Variants in FAT4 observed in about 807,000 individuals in gnomAD.
FAT4 encodes FAT atypical cadherin 4, also known as protocadherin Fat 4.
In FAT4, 84 loss-of-function variants were observed where a neutral mutation model predicts 303.9. That is an observed-to-expected ratio of 0.28 (90% CI 0.23 to 0.33). FAT4 has a LOEUF of 0.33. FAT4 is among the 10% of genes least tolerant of loss of function. FAT4 has a pLI of 1.00. For missense variants in FAT4, 6,005 were observed against 6,146.8 expected (o/e 0.98, Z 0.77); for synonymous variants, 2,307 against 2,298.8 (o/e 1.00, Z -0.10).
At position 125,451,627 on chromosome 4, in the gene FAT4, C is replaced by T. The variant is rs772330285; in HGVS notation, c.10617C>T (p.Leu3539=). The T allele has an allele frequency of 6.2e-7, 1 of 1,614,112 alleles. No homozygotes were observed. The highest frequency in any genetic ancestry group is 1.7e-5 in the Admixed American group (1 of 60,018). ...CCCTTCAGTCCACTGACCCTGATCT[C>T]CCTCCAAATCAAGGTCCCTTTACTT... The part of the protein sequence containing the change: ...VMTLQSTDPD[L]PPNQGPFTYY... The change falls in exon 10 of 18, where the codon CTC becomes CTT. Residue 3539 remains leucine (L), a synonymous_variant. Transcript: ENST00000394329.
At chr4:125,367,012 A>C (rs1732912648) in intron 2 of FAT4, among the ~76,000 whole-genome samples, 1 of 152,060 alleles carries the variant, frequency 6.6e-6, no homozygotes, top group Admixed American at 6.6e-5. Flanking sequence ...CCTTTGTCAG[A>C]TGCATAGTTT....
At chr4:125,480,714 A>G (rs1424313881) in intron 15 of FAT4, among the ~76,000 whole-genome samples, 1 of 152,090 alleles carries the variant, frequency 6.6e-6, no homozygotes, top group Non-Finnish European at 1.5e-5. Context: ...AACATAGAAA[A>G]TATATACTGT....
intron 2 of FAT4, among the ~76,000 whole-genome samples, chr4:125,335,325 T>G (rs938660554): frequency 6.6e-6 from 1 of 152,052 alleles, no homozygotes; most frequent in Non-Finnish European, 1.5e-5. Flanking sequence ...AAAAAAAATG[T>G]TGGTGGTAGA....
chr4:125,382,127 T>A (rs1200701468), intron 2 of FAT4, among the ~76,000 whole-genome samples: 4 of 152,202 alleles, frequency 2.6e-5, no homozygotes, highest in Non-Finnish European at 4.4e-5. Flanking sequence ...TTGGAAACAA[T>A]TTCTTCCAAA....
rs1560641422 is a variant in FAT4, at chr4:125,491,675, A to G, written c.14859A>G (p.Ala4953=). 1 of 1,614,100 alleles carries G rather than the reference A, an allele frequency of 6.2e-7. No homozygotes were observed. Residue 4953 remains alanine, a synonymous_variant, in exon 18 of 18, where the codon GCA becomes GCG. Transcript: ENST00000394329. The part of the protein sequence containing the change: ...GHYVDVFKDL[A]SLPEKAAANE... ...ATGTAGATGTTTTTAAAGATTTGGC[A>G]TCTCTTCCAGAAAAAGCAGCAGCAA...
At position 125,449,060 on chromosome 4, in the gene FAT4, C is replaced by A. The variant is rs752953780; in HGVS notation, c.8050C>A (p.Leu2684Ile). The part of the protein sequence containing the change: ...DPFISEILEN[L>I]SPRKILTVSA... ...ATTTATATCTGAAATATTGGAAAAC[C>A]TTTCCCCTCGAAAAATACTTACTGT... is the stretch of plus-strand genomic sequence containing the variant. Residue 2684 changes from leucine to isoleucine, a missense_variant, in exon 10 of 18, where the codon CTT becomes ATT. Physicochemically the swap from Leu to Ile is conservative, Grantham distance 5. Coordinates refer to ENST00000394329, the MANE Select transcript of FAT4 (RefSeq NM_001291303.3). 2 of 1,613,700 alleles carry A rather than the reference C, an allele frequency of 1.2e-6. No homozygotes were observed. Among genetic ancestry groups the A allele is most frequent in the East Asian group, 2.2e-5 (1 of 44,882 alleles).
Position 125,449,258 on chromosome 4 carries a change from A to C in FAT4, c.8248A>C (p.Lys2750Gln). The C allele has an allele frequency of 6.2e-7, 1 of 1,613,950 alleles. No homozygotes were observed. The highest frequency in any genetic ancestry group is 2.2e-5 in the East Asian group (1 of 44,858). ...HYVLTIKSSD[K>Q]GSPSQSTSVK... is the part of the protein sequence containing the mutation. ...TGTCCTAACCATAAAATCATCAGAC[A>C]AAGGGTCCCCGTCTCAGAGTACTTC... The change falls in exon 10 of 18, where the codon AAA (lysine) becomes CAA (glutamine). Residue 2750 changes from lysine (K) to glutamine (Q), a missense_variant. Lys to Gln is a moderately conservative substitution (Grantham distance 53). Coordinates refer to ENST00000394329, the MANE Select transcript of FAT4 (RefSeq NM_001291303.3).
intron 2 of FAT4, 23 bp from the exon 3 acceptor site, chr4:125,398,761 C>T: frequency 6.2e-7 from 1 of 1,611,590 alleles, no homozygotes; most frequent in Non-Finnish European, 8.5e-7. Flanking sequence ...GTCATTCACA[C>T]ATTGTTTCCT....
chr4:125,350,686 A>C (rs921351009), intron 2 of FAT4, among the ~76,000 whole-genome samples: 1 of 151,710 alleles, frequency 6.6e-6, no homozygotes, highest in Non-Finnish European at 1.5e-5. Flanking sequence ...GATCCTTACA[A>C]GTTTGGAAAA....
chr4:125,487,209 A>G (rs1727438768), intron 16 of FAT4, 136 bp from the exon 17 acceptor site: 2 of 689,708 alleles, frequency 2.9e-6, no homozygotes, highest in South Asian at 2.4e-5. Flanking sequence ...GTGTGTAAGT[A>G]TATTCTAATA....
chr4:125,489,847 CTTTTTTTTTTTT>C lies in FAT4; in HGVS notation c.13085-44_13085-33del, dbSNP rs60144993. On this transcript the variant is annotated intron_variant, in intron 17 of 17. Coordinates refer to ENST00000394329, the MANE Select transcript of FAT4 (RefSeq NM_001291303.3). ...AGAACCCAGCAGTGTAGTATAAGCT[CTTTTTTTTTTTT>C]TTTTTTTTTGTAAAAAGCCTTACTC... 3 of 448,996 alleles carry C rather than the reference CTTTTTTTTTTTT, an allele frequency of 6.7e-6. 1 individual carries two copies. The highest frequency in any genetic ancestry group is 9.8e-6 in the Non-Finnish European group (3 of 306,662). 27.8% of individuals were successfully genotyped at this position (448,996 alleles called of 1,614,324 possible).
rs765905172 is a variant in FAT4 at position 125,449,634 on chromosome 4, G to T, written c.8624G>T (p.Ser2875Ile). The change falls in exon 10 of 18, where the codon AGC becomes ATC. Residue 2875 changes from serine to isoleucine, a missense_variant. Ser to Ile is a moderately radical substitution (Grantham distance 142). Transcript: ENST00000394329. ...ATCAATGACAATGCTCCAAGATTTA[G>T]CAGAACTTCCTATTATTTAGATTGC... ...TDINDNAPRF[S>I]RTSYYLDCPE... The T allele has an allele frequency of 3.7e-6, 6 of 1,613,880 alleles. No individual in the cohort carries two copies. The highest frequency in any genetic ancestry group is 2.2e-5 in the East Asian group (1 of 44,854).
At chr4:125,469,673 T>C (rs1176799232) in intron 12 of FAT4, among the ~76,000 whole-genome samples, 2 of 152,210 alleles carry the variant, frequency 1.3e-5, no homozygotes, top group Non-Finnish European at 2.9e-5. Context: ...TGCAAGATTG[T>C]AGCAGCTCAA....
At chr4:125,459,810 G>A (rs780301512) in intron 10 of FAT4, among the ~76,000 whole-genome samples, 2 of 152,068 alleles carry the variant, frequency 1.3e-5, no homozygotes, top group Non-Finnish European at 2.9e-5. Context: ...CAACACATCA[G>A]ATTATTGTAC....
rs1448609625 is a variant in FAT4, at chr4:125,317,590, C to T, written c.1179C>T (p.Asn393=). 1 of 1,613,958 alleles carries T rather than the reference C, an allele frequency of 6.2e-7. No individual in the cohort carries two copies. The highest frequency in any genetic ancestry group is 1.7e-5 in the Admixed American group (1 of 60,014). ...TDADSPAANG[N]ISVQILGGNE... Reference sequence around the variant, plus strand: ...CAGATTCTCCCGCGGCCAACGGGAACATCTCCGTGCAAATTCTCGGGGGCA... The same window carrying T: ...CAGATTCTCCCGCGGCCAACGGGAATATCTCCGTGCAAATTCTCGGGGGCA... The change falls in exon 2 of 18, where the codon AAC becomes AAT. Residue 393 remains asparagine (N), a synonymous_variant. Coordinates refer to ENST00000394329, the MANE Select transcript of FAT4 (RefSeq NM_001291303.3). This position sits in a 1 kb window ranked among gnomAD's most constrained non-coding sequence, Gnocchi z 7.0.
intron 5 of FAT4, among the ~76,000 whole-genome samples, chr4:125,412,687 A>G (rs1303047368): frequency 1.3e-5 from 2 of 151,874 alleles, no homozygotes; most frequent in Non-Finnish European, 2.9e-5. Context: ...ATGATGGACT[A>G]AGGATGATCA....
intron 10 of FAT4, among the ~76,000 whole-genome samples, chr4:125,462,499 C>A (rs1726516712): frequency 2.0e-5 from 3 of 151,856 alleles, no homozygotes; most frequent in Admixed American, 1.3e-4. Context: ...AAAATTAGAT[C>A]CTAACGAATG....
At chr4:125,330,048 G>A (rs911976466) in intron 2 of FAT4, among the ~76,000 whole-genome samples, 1 of 152,142 alleles carries the variant, frequency 6.6e-6, no homozygotes, top group Admixed American at 6.6e-5. Flanking sequence ...ATTTCTGACA[G>A]TGTTCCTATT....
intron 2 of FAT4, among the ~76,000 whole-genome samples, chr4:125,383,904 G>T (rs141909118): frequency 1.5e-3 from 224 of 152,112 alleles, no homozygotes; most frequent in African/African-American, 5.1e-3. Flanking sequence ...CAAAATTGTT[G>T]GAATAACCAG....
Sources: gnomAD v4.1 joint callset for allele counts (sites outside exome capture counted in the v4.1 genomes callset) on GRCh38, gnomAD v4.1.1 for gene constraint, Gnocchi (gnomAD v3.1) non-coding constraint, MANE v1.5 for transcripts, NCBI Gene and HGNC (gene_info 2026-07-23, HGNC 2026-07-21) for gene names.